DOCK3: variants seen among roughly 807,000 people sequenced by gnomAD.
DOCK3 encodes dedicator of cytokinesis protein 3.
Under a neutral mutation model 265.6 loss-of-function variants are expected in DOCK3, and 60 were observed. The observed-to-expected ratio is 0.23, with a 90% CI of 0.18 to 0.28. DOCK3 has a LOEUF of 0.28. Among genes scored for constraint, DOCK3 ranks in the 10% least tolerant of loss-of-function variants. The pLI, the probability that DOCK3 is intolerant of heterozygous loss-of-function variation, is 1.00. For synonymous variants in DOCK3, 881 were observed against 938.0 expected (o/e 0.94, Z 1.11); for missense variants, 1,981 against 2,594.3 (o/e 0.76, Z 5.14).
rs1433890891 is a variant in DOCK3 at position 51,228,741 on chromosome 3, T to A, written c.1728T>A (p.Pro576=). 3.7e-6 allele frequency: 6 copies of A among 1,613,976 alleles called. No individual in the cohort carries two copies. Among genetic ancestry groups the A allele is most frequent in the Non-Finnish European group, 5.1e-6 (6 of 1,179,874 alleles). Residue 576 remains proline (P), a synonymous_variant, in exon 18 of 53, where the codon CCT becomes CCA. Transcript: ENST00000266037. ...GCAAAGAGGACTACAATGGCTGCCC[T>A]AATATTCCTTCTAGCCTCATCTTCC... ...PCCKEDYNGC[P]NIPSSLIFQR... is the part of the protein sequence containing the mutation.
intron 1 of DOCK3, among the ~76,000 whole-genome samples, chr3:50,749,891 T>G (rs757944882): frequency 3.3e-5 from 5 of 152,156 alleles, no homozygotes; most frequent in Admixed American, 6.5e-5. Flanking sequence ...CCATTACTGT[T>G]CTCAAATCCA....
intron 5 of DOCK3, among the ~76,000 whole-genome samples, chr3:51,028,511 G>A (rs1038457002): frequency 1.3e-5 from 2 of 152,084 alleles, no homozygotes; most frequent in East Asian, 1.9e-4. Flanking sequence ...CCTCAAATAC[G>A]TTTTCTAAAT....
intron 48 of DOCK3, 102 bp from the exon 49 acceptor site, chr3:51,362,425 A>C: frequency 1.4e-6 from 2 of 1,461,656 alleles, no homozygotes; most frequent in Non-Finnish European, 1.9e-6. Context: ...AGCATAAGGC[A>C]CTGGGGCAGA....
intron 12 of DOCK3, among the ~76,000 whole-genome samples, chr3:51,177,938 C>G (rs1035347193): frequency 6.6e-6 from 1 of 150,486 alleles, no homozygotes; most frequent in Non-Finnish European, 1.5e-5. Flanking sequence ...TTGCAGTAGC[C>G]GAGATCATGC....
intron 1 of DOCK3, among the ~76,000 whole-genome samples, chr3:50,734,388 G>A (rs9820606): frequency 0.76 from 114,641 of 151,618 alleles, 44,481 homozygotes; most frequent in Middle Eastern, 0.88. Context: ...TGTAGTCTCA[G>A]TTACTTGGGA....
At chr3:51,004,461 G>C (rs1056044965) in intron 5 of DOCK3, among the ~76,000 whole-genome samples, 4 of 152,126 alleles carry the variant, frequency 2.6e-5, no homozygotes, top group African/African-American at 9.7e-5. Context: ...GCTCTAAGTT[G>C]TAGGGTAATT....
intron 4 of DOCK3, among the ~76,000 whole-genome samples, chr3:50,925,544 A>G (rs1346117514): frequency 6.6e-6 from 1 of 151,592 alleles, no homozygotes; most frequent in Admixed American, 6.6e-5. Context: ...ACATAGCAAG[A>G]CTCTGCCTCC....
At position 51,357,787 on chromosome 3, in the gene DOCK3, G is replaced by C. The variant is rs775294110; in HGVS notation, c.4713G>C (p.Lys1571Asn). The C allele has an allele frequency of 6.2e-7, 1 of 1,613,982 alleles. No homozygotes were observed. The highest frequency in any genetic ancestry group is 8.5e-7 in the Non-Finnish European group (1 of 1,179,884). ...EAFFDKDYIN[K>N]HPGDAEKITQ... ...TCTTTGATAAAGATTACATCAACAA[G>C]CACCCAGGAGATGCTGAGAAGATCA... Residue 1571 changes from lysine to asparagine, a missense_variant, in exon 45 of 53, where the codon AAG becomes AAC. Transcript: ENST00000266037.
At chr3:50,998,796 T>C (rs953474983) in intron 5 of DOCK3, among the ~76,000 whole-genome samples, 15 of 152,178 alleles carry the variant, frequency 9.9e-5, no homozygotes, top group Admixed American at 8.5e-4. Flanking sequence ...TTTAAAAATA[T>C]TTTATCCATG....
intron 9 of DOCK3, among the ~76,000 whole-genome samples, chr3:51,137,051 AC>A (rs974299481): frequency 4.6e-5 from 7 of 151,576 alleles, no homozygotes; most frequent in South Asian, 2.1e-4. Context: ...TAAAAAAAAA[AC>A]AGCTTAAAAA....
intron 5 of DOCK3, among the ~76,000 whole-genome samples, chr3:50,966,926 C>T (rs1487227639): frequency 6.6e-6 from 1 of 151,936 alleles, no homozygotes; most frequent in Non-Finnish European, 1.5e-5. Flanking sequence ...GGGAATGAGG[C>T]AGAATTTCAC....
chr3:50,696,164 C>G (rs2035603176), intron 1 of DOCK3, among the ~76,000 whole-genome samples: 1 of 152,162 alleles, frequency 6.6e-6, no homozygotes, highest in African/African-American at 2.4e-5. Context: ...ACCATAGCTC[C>G]TACAGTTCTG....
At chr3:50,956,579 C>T (rs2076737196) in intron 5 of DOCK3, among the ~76,000 whole-genome samples, 1 of 152,134 alleles carries the variant, frequency 6.6e-6, no homozygotes, top group Non-Finnish European at 1.5e-5. Flanking sequence ...TTCACTACAT[C>T]CCAGAAGGTG....
At chr3:51,247,606 A>G (rs2078900158) in intron 22 of DOCK3, among the ~76,000 whole-genome samples, 1 of 152,262 alleles carries the variant, frequency 6.6e-6, no homozygotes, top group African/African-American at 2.4e-5. Context: ...CTCAAGCATT[A>G]TCAGACTGAA....
At chr3:51,149,451 A>G (rs1392766739) in intron 10 of DOCK3, among the ~76,000 whole-genome samples, 1 of 152,146 alleles carries the variant, frequency 6.6e-6, no homozygotes, top group Non-Finnish European at 1.5e-5. Flanking sequence ...ATTTTTGCCC[A>G]TTCAGTACGA....
At chr3:50,830,723 T>C (rs1167869502) in intron 2 of DOCK3, among the ~76,000 whole-genome samples, 2 of 152,188 alleles carry the variant, frequency 1.3e-5, no homozygotes, top group African/African-American at 4.8e-5. Flanking sequence ...GTTGGCTCTT[T>C]GGGATAGTAT....
intron 27 of DOCK3, among the ~76,000 whole-genome samples, chr3:51,288,903 GGTGTGTGT>G (rs146598674): frequency 6.9e-6 from 1 of 144,176 alleles, no homozygotes; most frequent in Non-Finnish European, 1.5e-5. Context: ...TGTGTGTGTG[GGTGTGTGT>G]GTGTGTGTGT....
chr3:51,236,937 G>T (rs1390808440), intron 20 of DOCK3, among the ~76,000 whole-genome samples: 1 of 152,104 alleles, frequency 6.6e-6, no homozygotes, highest in East Asian at 1.9e-4. Flanking sequence ...AATATATCCA[G>T]TCCCACAGAG....
intron 7 of DOCK3, among the ~76,000 whole-genome samples, chr3:51,085,036 A>C (rs1398944655): frequency 6.6e-6 from 1 of 152,232 alleles, no homozygotes; most frequent in Admixed American, 6.5e-5. Context: ...AGCTATACTT[A>C]TATCAGAGAA....
Sources: allele counts gnomAD v4.1 joint callset (sites outside exome capture counted in the v4.1 genomes callset), GRCh38; gene constraint gnomAD v4.1.1; transcripts MANE v1.5; gene names NCBI Gene and HGNC (gene_info 2026-07-23, HGNC 2026-07-21).